The following FOXRED1 variants were observed in gnomAD, a reference collection of about 807,000 sequenced individuals.
FOXRED1 encodes FAD-dependent oxidoreductase domain-containing protein 1.
A neutral mutation model predicts 57.8 loss-of-function variants in FOXRED1; 52 were observed. That is an observed-to-expected ratio of 0.90 (90% CI 0.72 to 1.13). The LOEUF is 1.13. Among genes scored for constraint, FOXRED1 ranks in the 50% most tolerant of loss-of-function variants. The pLI, the probability that FOXRED1 is intolerant of heterozygous loss-of-function variation, is 0.00. For synonymous variants in FOXRED1, 271 were observed against 248.3 expected, an observed-to-expected ratio of 1.09 and a Z score of -0.86; for missense variants, 589 against 625.2, an observed-to-expected ratio of 0.94 and a Z score of 0.62.
At position 126,278,054 on chromosome 11, in the gene FOXRED1, C is replaced by A. The variant is rs1483407910; in HGVS notation, c.*365C>A. ...GCCCAGGCATGGGAGCACTCTGGGGCAGCCTGGCTCAGGTTTATTGATTTT... is the reference window on the plus strand; with the variant it reads ...GCCCAGGCATGGGAGCACTCTGGGGAAGCCTGGCTCAGGTTTATTGATTTT... On this transcript the variant is annotated 3_prime_UTR_variant, in exon 11 of 11. Transcript: ENST00000263578. This position sits in a 1 kb window ranked among gnomAD's most constrained non-coding sequence, Gnocchi z 4.8. 3.9e-6 allele frequency: 2 copies of A among 512,680 alleles called. No individual in the cohort carries two copies. Among genetic ancestry groups the A allele is most frequent in the East Asian group, 1.1e-4 (2 of 18,974 alleles). The allele number at this position is 512,680 out of a possible 1,614,324, so 31.8% of individuals were successfully genotyped here.
At position 126,278,089 on chromosome 11, in the gene FOXRED1, A is replaced by G. The variant is rs761220692; in HGVS notation, c.*400A>G. On this transcript the variant is annotated 3_prime_UTR_variant, in exon 11 of 11. Coordinates refer to ENST00000263578, the MANE Select transcript of FOXRED1 (RefSeq NM_017547.4). The surrounding 1 kb of genome is among the most constrained non-coding windows in gnomAD (Gnocchi z 4.8). ...CAGGTTTATTGATTTTCGTCTGTTT[A>G]CCCTATCCATTAATCAATACATGTA... is the stretch of plus-strand genomic sequence containing the variant. The G allele has an allele frequency of 3.6e-5, 17 of 475,576 alleles. 1 individual carries two copies. The highest frequency in any genetic ancestry group is 2.3e-4 in the South Asian group (15 of 64,660). 29.5% of individuals were successfully genotyped at this position (475,576 alleles called of 1,614,324 possible).
intron 9 of FOXRED1, 160 bp from the exon 10 acceptor site, chr11:126,276,911 T>G (rs1237034305): frequency 2.0e-5 from 13 of 653,808 alleles, no homozygotes; most frequent in Middle Eastern, 2.5e-4. Flanking sequence ...CAGCCTTTTT[T>G]GGGGGGCTGT....
Position 126,277,305 on chromosome 11 carries a change from C to T in FOXRED1, c.1206+130C>T. 1 of 1,303,682 alleles carries T rather than the reference C, an allele frequency of 7.7e-7. No individual in the cohort carries two copies. The highest frequency in any genetic ancestry group is 1.2e-5 in the South Asian group (1 of 84,208). The allele number at this position is 1,303,682 out of a possible 1,614,324, so 80.8% of individuals were successfully genotyped here. A position where few individuals can be genotyped will look rare whatever the true frequency, so the allele number is the denominator to read the frequency against. Reference sequence around the variant, plus strand: ...CCATGTCACAACTGCTAAGGAATTTCTTGGACACATCCCATCCCATAGACC... The same window carrying T: ...CCATGTCACAACTGCTAAGGAATTTTTTGGACACATCCCATCCCATAGACC... On this transcript the variant is annotated intron_variant, in intron 10 of 10. Coordinates refer to ENST00000263578, the MANE Select transcript of FOXRED1 (RefSeq NM_017547.4). This position sits in a 1 kb window ranked among gnomAD's most constrained non-coding sequence, Gnocchi z 6.8.
chr11:126,270,999 G>A (rs1950971905), intron 1 of FOXRED1: 1 of 257,204 alleles, frequency 3.9e-6, no homozygotes, highest in Admixed American at 5.1e-5. Flanking sequence ...TATAAATGTA[G>A]GTTTGGTGGT....
In FOXRED1 at chr11:126,273,659, C is replaced by T. The variant is rs1025659914; in HGVS notation, c.536+205C>T. The T allele has an allele frequency of 3.5e-5, 21 of 599,678 alleles. No individual in the cohort carries two copies. The highest frequency in any genetic ancestry group is 5.4e-5 in the South Asian group (3 of 55,458). 37.1% of individuals were successfully genotyped at this position (599,678 alleles called of 1,614,324 possible). ...ATGGACAAAACACTGCGAGGTGCTTCCTAATTTGTCAGATCATGAAAACCA... is the reference window on the plus strand; with the variant it reads ...ATGGACAAAACACTGCGAGGTGCTTTCTAATTTGTCAGATCATGAAAACCA... On this transcript the variant is annotated intron_variant, in intron 4 of 10. Transcript: ENST00000263578. The surrounding 1 kb of genome is among the most constrained non-coding windows in gnomAD (Gnocchi z 5.9).
Position 126,273,675 on chromosome 11 carries a change from A to G in FOXRED1, c.536+221A>G. On this transcript the variant is annotated intron_variant, in intron 4 of 10. Transcript: ENST00000263578. This position sits in a 1 kb window ranked among gnomAD's most constrained non-coding sequence, Gnocchi z 5.9. ...GAGGTGCTTCCTAATTTGTCAGATC[A>G]TGAAAACCACCTGGAACACATCCCA... 1 of 579,796 alleles carries G rather than the reference A, an allele frequency of 1.7e-6. No individual in the cohort carries two copies. The highest frequency in any genetic ancestry group is 3.1e-6 in the Non-Finnish European group (1 of 317,588). The allele number at this position is 579,796 out of a possible 1,614,324, so 35.9% of individuals were successfully genotyped here. A position where few individuals can be genotyped will look rare whatever the true frequency, so the allele number is the denominator to read the frequency against.
chr11:126,273,532 GA>G lies in FOXRED1; in HGVS notation c.536+81del. 4 of 951,734 alleles carry G rather than the reference GA, an allele frequency of 4.2e-6. No homozygotes were observed. The highest frequency in any genetic ancestry group is 6.9e-6 in the Non-Finnish European group (4 of 579,522). 59.0% of individuals were successfully genotyped at this position (951,734 alleles called of 1,614,324 possible). The stretch of plus-strand genomic sequence containing the variant: ...ACTCCTGCACCAGGTTAGGAAGCGA[GA>G]AAGTGGAGTTGATAAGACAGATCCC... On this transcript the variant is annotated intron_variant, in intron 4 of 10. Transcript: ENST00000263578. This position sits in a 1 kb window ranked among gnomAD's most constrained non-coding sequence, Gnocchi z 5.9.
chr11:126,269,986 CAA>C (rs58199526), intron 1 of FOXRED1, among the ~76,000 whole-genome samples: 2,145 of 72,224 alleles, frequency 0.03, 29 homozygotes, highest in African/African-American at 0.076. Flanking sequence ...AACTCCGTCT[CAA>C]AAAAAAAAAA....
In FOXRED1 at chr11:126,271,575, G is replaced by C. The variant is rs372907751; in HGVS notation, c.224G>C (p.Gly75Ala). The change falls in exon 2 of 11, where the codon GGC (glycine) becomes GCC (alanine). Residue 75 changes from glycine (G) to alanine (A), a missense_variant. Physicochemically the swap from Gly to Ala is moderately conservative, Grantham distance 60. Transcript: ENST00000263578. This position sits in a 1 kb window ranked among gnomAD's most constrained non-coding sequence, Gnocchi z 5.3. ...GTGATCGTGGGAGGTGGGGTGCTTG[G>C]CTTGTCTGTGGCCTATTGGCTGAAG... ...DVVIVGGGVLGLSVAYWLKKL... is the reference protein window; with the variant it reads ...DVVIVGGGVLALSVAYWLKKL... The C allele has an allele frequency of 2.4e-5, 39 of 1,614,112 alleles. No homozygotes were observed. The African/African-American group carries it at 4.9e-4, about 20-fold the overall frequency.
rs1951194498 is a variant in FOXRED1 at position 126,277,654 on chromosome 11, T to C, written c.1426T>C (p.Leu476=). Reference sequence around the variant, plus strand: ...CCCCTTCCTCTTTACCCGCTTTTACTTGGGAGAGAAGATCCAGGAGAACAA... The same window carrying C: ...CCCCTTCCTCTTTACCCGCTTTTACCTGGGAGAGAAGATCCAGGAGAACAA... ...LSPFLFTRFY[L]GEKIQENNII is the part of the protein sequence containing the mutation. Residue 476 remains leucine, a synonymous_variant, in exon 11 of 11, where the codon TTG becomes CTG. Transcript: ENST00000263578. This position sits in a 1 kb window ranked among gnomAD's most constrained non-coding sequence, Gnocchi z 6.8. 6.2e-7 allele frequency: 1 copy of C among 1,613,716 alleles called. No individual in the cohort carries two copies. The highest frequency in any genetic ancestry group is 8.5e-7 in the Non-Finnish European group (1 of 1,179,996).
chr11:126,274,719 T>G lies in FOXRED1; in HGVS notation c.537-208T>G. On this transcript the variant is annotated intron_variant, in intron 4 of 10. Coordinates refer to ENST00000263578, the MANE Select transcript of FOXRED1 (RefSeq NM_017547.4). This position sits in a 1 kb window ranked among gnomAD's most constrained non-coding sequence, Gnocchi z 4.8. ...TGTGTGCTGAAGGGAGACAAGGGAG[T>G]AGGGAAGGAAAGGCAGTCAAGGCTG... 4 of 598,356 alleles carry G rather than the reference T, an allele frequency of 6.7e-6. No individual in the cohort carries two copies. Among genetic ancestry groups the G allele is most frequent in the Admixed American group, 4.8e-5 (2 of 41,788 alleles). 37.1% of individuals were successfully genotyped at this position (598,356 alleles called of 1,614,324 possible).
In FOXRED1 at chr11:126,275,768, C is replaced by T; in HGVS notation, c.734-26C>T. 6.6e-7 allele frequency: 1 copy of T among 1,504,240 alleles called. No homozygotes were observed. Among genetic ancestry groups the T allele is most frequent in the Non-Finnish European group, 9.3e-7 (1 of 1,080,306 alleles). The allele number at this position is 1,504,240 out of a possible 1,614,324, so 93.2% of individuals were successfully genotyped here. A position where few individuals can be genotyped will look rare whatever the true frequency, so the allele number is the denominator to read the frequency against. Reference sequence around the variant, plus strand: ...TCATTCCTCTTCAGCACCTCTACGGCCTATTTTTCATTTTCTTCTCTGCAG... The same window carrying T: ...TCATTCCTCTTCAGCACCTCTACGGTCTATTTTTCATTTTCTTCTCTGCAG... On this transcript the variant is annotated intron_variant, in intron 6 of 10. Transcript: ENST00000263578. This position sits in a 1 kb window ranked among gnomAD's most constrained non-coding sequence, Gnocchi z 5.9.
Position 126,271,163 on chromosome 11 carries a change from A to G in FOXRED1, c.86-274A>G, listed in dbSNP as rs562722597. 4.9e-4 allele frequency: 203 copies of G among 417,888 alleles called. No individual in the cohort carries two copies. Among genetic ancestry groups the G allele is most frequent in the African/African-American group, 3.7e-3 (182 of 49,220 alleles). The allele number at this position is 417,888 out of a possible 1,614,324, so 25.9% of individuals were successfully genotyped here. On this transcript the variant is annotated intron_variant, in intron 1 of 10. Transcript: ENST00000263578. This position sits in a 1 kb window ranked among gnomAD's most constrained non-coding sequence, Gnocchi z 5.3. The stretch of plus-strand genomic sequence containing the variant: ...GTTGAATATGTGAGTTGGGATCAGG[A>G]GAGGTCTATGCAGGAGGTAATGTAG...
chr11:126,270,589 G>A (rs1950958387), intron 1 of FOXRED1, among the ~76,000 whole-genome samples: 1 of 152,174 alleles, frequency 6.6e-6, no homozygotes, highest in Non-Finnish European at 1.5e-5. Context: ...GTTCCCTGTG[G>A]TGGGAGGAAA....
At position 126,272,539 on chromosome 11, in the gene FOXRED1, G is replaced by A. The variant is rs1243992488; in HGVS notation, c.307-430G>A. ...ATTCCTGAACTCAAGCAATCAGCCC[G>A]CCTCGGCCTCCCAAAGTGCTGGGAT... On this transcript the variant is annotated intron_variant, in intron 2 of 10. Coordinates refer to ENST00000263578, the MANE Select transcript of FOXRED1 (RefSeq NM_017547.4). The surrounding 1 kb of genome is among the most constrained non-coding windows in gnomAD (Gnocchi z 4.6). 9 of 251,380 alleles carry A rather than the reference G, an allele frequency of 3.6e-5. No individual in the cohort carries two copies. The highest frequency in any genetic ancestry group is 2.3e-4 in the South Asian group (5 of 22,128). The allele number at this position is 251,380 out of a possible 1,614,324, so 15.6% of individuals were successfully genotyped here. A position where few individuals can be genotyped will look rare whatever the true frequency, so the allele number is the denominator to read the frequency against.
rs1291652703 is a variant in FOXRED1, at chr11:126,272,198, G to C, written c.306+541G>C. Among the ~76,000 whole-genome samples the C allele has an allele frequency of 6.6e-6, 1 of 152,192 alleles. No homozygotes were observed. The highest frequency in any genetic ancestry group is 2.4e-5 in the African/African-American group (1 of 41,444). On this transcript the variant is annotated intron_variant, in intron 2 of 10. Coordinates refer to ENST00000263578, the MANE Select transcript of FOXRED1 (RefSeq NM_017547.4). This position sits in a 1 kb window ranked among gnomAD's most constrained non-coding sequence, Gnocchi z 4.6. ...GCTGGTCTTGAACTCCGAACCTCAAGTGATCTGCCCGCCTTGGCTTCTCAA... is the reference window on the plus strand; with the variant it reads ...GCTGGTCTTGAACTCCGAACCTCAACTGATCTGCCCGCCTTGGCTTCTCAA...
Position 126,277,103 on chromosome 11 carries a change from G to C in FOXRED1, c.1134G>C (p.Val378=), listed in dbSNP as rs766394838. The C allele has an allele frequency of 6.2e-6, 10 of 1,613,520 alleles. No homozygotes were observed. Among genetic ancestry groups the C allele is most frequent in the Non-Finnish European group, 8.5e-6 (10 of 1,179,782 alleles). The change falls in exon 10 of 11, where the codon GTG becomes GTC. Residue 378 remains valine (V), a synonymous_variant. Transcript: ENST00000263578. This position sits in a 1 kb window ranked among gnomAD's most constrained non-coding sequence, Gnocchi z 6.8. ...AACCGGACCCGGCGAACCTGGAAGT[G>C]GACCATGATTTCTTCCAGGACAAGG... The part of the protein sequence containing the change: ...QEEPDPANLE[V]DHDFFQDKVW...
intron 1 of FOXRED1, among the ~76,000 whole-genome samples, chr11:126,270,193 T>A (rs546084339): frequency 6.6e-6 from 1 of 152,280 alleles, no homozygotes; most frequent in East Asian, 1.9e-4. Context: ...TGCAAGGAAC[T>A]GGCAAAAGCC....
At position 126,277,405 on chromosome 11, in the gene FOXRED1, C is replaced by G. The variant is rs140700160; in HGVS notation, c.1207-30C>G. On this transcript the variant is annotated intron_variant, in intron 10 of 10. Coordinates refer to ENST00000263578, the MANE Select transcript of FOXRED1 (RefSeq NM_017547.4). This position sits in a 1 kb window ranked among gnomAD's most constrained non-coding sequence, Gnocchi z 6.8. ...GGATGGAGTGTGGCTACAGCCTTCC[C>G]GAGAACCCCAGTGTTTTGTGCACCC... The G allele has an allele frequency of 6.2e-7, 1 of 1,612,394 alleles. No individual in the cohort carries two copies. Among genetic ancestry groups the G allele is most frequent in the East Asian group, 2.2e-5 (1 of 44,864 alleles).
Sources: allele counts gnomAD v4.1 joint callset (sites outside exome capture counted in the v4.1 genomes callset), GRCh38; gene constraint gnomAD v4.1.1; non-coding constraint Gnocchi (gnomAD v3.1); transcripts MANE v1.5; gene names NCBI Gene and HGNC (gene_info 2026-07-23, HGNC 2026-07-21).